Variants in GLIS3 observed in about 807,000 individuals in gnomAD.
GLIS3 encodes the protein zinc finger protein GLIS3.
A neutral mutation model predicts 78.6 loss-of-function variants in GLIS3; 53 were observed. The observed-to-expected ratio is 0.67, with a 90% CI of 0.54 to 0.85. The LOEUF is 0.85. Ranked by LOEUF, GLIS3 falls within the 40% of genes least tolerant of loss-of-function variation. The probability of loss-of-function intolerance (pLI) is 0.00; values close to 1 mark genes in which losing one functional copy is unlikely to be tolerated. For synonymous variants in GLIS3, 684 were observed against 509.9 expected (o/e 1.34, Z -4.60); for missense variants, 1,703 against 1,231.1 (o/e 1.38, Z -5.74).
At chr9:4,083,605 G>A (rs909619322) in intron 4 of GLIS3, among the ~76,000 whole-genome samples, 2 of 152,112 alleles carry the variant, frequency 1.3e-5, no homozygotes, top group Non-Finnish European at 2.9e-5. Context: ...AGTTAAAATC[G>A]GAGTTATTTT....
chr9:4,211,610 A>C (rs1449453663), intron 2 of GLIS3, among the ~76,000 whole-genome samples: 1 of 152,246 alleles, frequency 6.6e-6, no homozygotes, highest in Admixed American at 6.5e-5. Context: ...TTTGCAAAAC[A>C]GTTTGGTAGT....
chr9:4,034,346 C>A (rs916385462), intron 4 of GLIS3, among the ~76,000 whole-genome samples: 1 of 152,084 alleles, frequency 6.6e-6, no homozygotes, highest in African/African-American at 2.4e-5. Context: ...ATTCCATAAC[C>A]TAATTATTAT....
At chr9:4,012,765 C>CTTTTTTT (rs71324278) in intron 4 of GLIS3, among the ~76,000 whole-genome samples, 1,315 of 66,278 alleles carry the variant, frequency 0.02, no homozygotes, top group Non-Finnish European at 0.026. Context: ...TTTTCTTTTT[C>CTTTTTTT]TTTTTTTTTT....
At chr9:3,858,228 G>T (rs1198390690) in intron 8 of GLIS3, among the ~76,000 whole-genome samples, 1 of 152,088 alleles carries the variant, frequency 6.6e-6, no homozygotes, top group African/African-American at 2.4e-5. Flanking sequence ...TCCTCTTTCT[G>T]TTGAGGACTG....
chr9:4,247,287 C>G (rs184851141), intron 2 of GLIS3, among the ~76,000 whole-genome samples: 2 of 151,866 alleles, frequency 1.3e-5, no homozygotes, highest in East Asian at 1.9e-4. Flanking sequence ...GCTGAAAGTA[C>G]GGTTGTTTTA....
chr9:4,421,714 T>C, the GLIS3 span, among the ~76,000 whole-genome samples: 1 of 152,358 alleles, frequency 6.6e-6, no homozygotes, highest in East Asian at 1.9e-4. Context: ...CTGAGAATAG[T>C]GTTAGACACA....
chr9:4,356,232 A>AC, the GLIS3 span, among the ~76,000 whole-genome samples: 10 of 152,178 alleles, frequency 6.6e-5, no homozygotes, highest in African/African-American at 2.4e-4. Flanking sequence ...TTGTATTCAC[A>AC]CTGAGTTCAG....
At chr9:3,953,781 C>A (rs1193712953) in intron 4 of GLIS3, among the ~76,000 whole-genome samples, 404 of 39,736 alleles carry the variant, frequency 0.01, 4 homozygotes, top group African/African-American at 0.037. Context: ...CTCTCTCTCT[C>A]TCTCTCTCTC....
At position 4,142,329 on chromosome 9, in the gene GLIS3, T is replaced by C. The variant is rs79580067; in HGVS notation, c.389-16388A>G. On this transcript the variant is annotated intron_variant, in intron 2 of 10. Transcript: ENST00000381971. ...CTTATTCCCTGAATAATATACAAAGTCTTAGAAGAGAGTAAATAACACATA... is the reference window on the plus strand; with the variant it reads ...CTTATTCCCTGAATAATATACAAAGCCTTAGAAGAGAGTAAATAACACATA... Among the ~76,000 whole-genome samples the C allele has an allele frequency of 2.5e-3, 383 of 152,286 alleles. 1 individual carries two copies. The highest frequency in any genetic ancestry group is 4.0e-3 in the Non-Finnish European group (275 of 68,012).
chr9:3,859,391 ACACACACAC>A (rs1820019529), intron 8 of GLIS3, among the ~76,000 whole-genome samples: 2 of 73,362 alleles, frequency 2.7e-5, no homozygotes, highest in African/African-American at 9.1e-5. Flanking sequence ...ACACACACAC[ACACACACAC>A]ATCAAAATGA....
intron 2 of GLIS3, among the ~76,000 whole-genome samples, chr9:4,275,320 G>A (rs960343498): frequency 2.0e-5 from 3 of 152,292 alleles, no homozygotes; most frequent in East Asian, 1.9e-4. Flanking sequence ...ACAGCTGAAT[G>A]GTTTGAGTTT....
intron 2 of GLIS3, among the ~76,000 whole-genome samples, chr9:4,134,266 T>C (rs543189305): frequency 6.6e-6 from 1 of 152,292 alleles, no homozygotes; most frequent in East Asian, 1.9e-4. Flanking sequence ...GCTCAAAGTT[T>C]CCCATTATTT....
In GLIS3 at chr9:4,082,750, C is replaced by T. The variant is rs760207428; in HGVS notation, c.1710+35018G>A. 6.6e-5 allele frequency among the ~76,000 whole-genome samples: 10 copies of T among 152,334 alleles called. No individual in the cohort carries two copies. The East Asian group carries it at 7.7e-4, about 12-fold the overall frequency. Reference sequence around the variant, plus strand: ...ACATTCTACAAACACTGCTTTGTAACTCTCCACTCTTTACTTGCATATTCT... The same window carrying T: ...ACATTCTACAAACACTGCTTTGTAATTCTCCACTCTTTACTTGCATATTCT... On this transcript the variant is annotated intron_variant, in intron 4 of 10. Transcript: ENST00000381971.
At chr9:4,368,324 C>T in the GLIS3 span, among the ~76,000 whole-genome samples, 14 of 149,500 alleles carry the variant, frequency 9.4e-5, no homozygotes, top group African/African-American at 1.5e-4. Context: ...GGGTAGGGAG[C>T]GCACAAGAAC....
At chr9:4,341,803 G>T (rs976073672) in intron 2 of GLIS3, among the ~76,000 whole-genome samples, 1 of 152,064 alleles carries the variant, frequency 6.6e-6, no homozygotes, top group African/African-American at 2.4e-5. Context: ...TGGGATCTCC[G>T]CTTTTTTTTC....
chr9:4,406,927 A>T, the GLIS3 span, among the ~76,000 whole-genome samples: 2 of 152,232 alleles, frequency 1.3e-5, no homozygotes, highest in Non-Finnish European at 2.9e-5. Flanking sequence ...CATTCTTCAC[A>T]GAAATAGAAA....
chr9:4,177,103 G>A (rs971525287), intron 2 of GLIS3, among the ~76,000 whole-genome samples: 3 of 152,072 alleles, frequency 2.0e-5, no homozygotes, highest in African/African-American at 7.2e-5. Flanking sequence ...CTTACCCACT[G>A]AGTGTTATCT....
intron 1 of GLIS3, among the ~76,000 whole-genome samples, chr9:4,294,358 A>C (rs559703361): frequency 6.6e-6 from 1 of 152,266 alleles, no homozygotes; most frequent in African/African-American, 2.4e-5. Context: ...AAAAATACAA[A>C]ATTAGCCAGG....
At chr9:4,465,444 G>A in the GLIS3 span, among the ~76,000 whole-genome samples, 2 of 152,182 alleles carry the variant, frequency 1.3e-5, no homozygotes, top group Admixed American at 6.5e-5. Context: ...AGCTACTAGG[G>A]AGGCGGAGGC....
Sources: gnomAD v4.1 joint callset for allele counts (sites outside exome capture counted in the v4.1 genomes callset) on GRCh38, gnomAD v4.1.1 for gene constraint, MANE v1.5 for transcripts, NCBI Gene and HGNC (gene_info 2026-07-23, HGNC 2026-07-21) for gene names.